PPARGC1A: variants seen among roughly 807,000 people sequenced by gnomAD.
PPARGC1A encodes peroxisome proliferator-activated receptor gamma coactivator 1-alpha.
A neutral mutation model predicts 88.7 loss-of-function variants in PPARGC1A; 25 were observed. The observed-to-expected ratio is 0.28, with a 90% CI of 0.21 to 0.39. The LOEUF is 0.39. Ranked by LOEUF, PPARGC1A falls within the 10% of genes least tolerant of loss-of-function variation. The pLI is 1.00. For missense variants in PPARGC1A, 880 were observed against 968.7 expected (o/e 0.91, Z 1.22); for synonymous variants, 363 against 355.6 (o/e 1.02, Z -0.24).
chr4:24,267,311 T>C, the PPARGC1A span, among the ~76,000 whole-genome samples: 61,040 of 152,028 alleles, frequency 0.4, 12,790 homozygotes, highest in East Asian at 0.59. Context: ...TTCGGTACAA[T>C]GTAGCCCACA....
upstream of PPARGC1A, among the ~76,000 whole-genome samples, chr4:23,899,760 G>T (rs1719067105): frequency 6.6e-6 from 1 of 152,162 alleles, no homozygotes; most frequent in South Asian, 2.1e-4. Context: ...GTTGCCATGG[G>T]TGGTGGTTTG....
the PPARGC1A span, among the ~76,000 whole-genome samples, chr4:23,974,667 C>G: frequency 1.3e-5 from 2 of 151,860 alleles, no homozygotes; most frequent in African/African-American, 2.4e-5. Context: ...GAGTCTTGCT[C>G]TGTCGCCCAG....
At chr4:24,471,696 G>A in the PPARGC1A span, among the ~76,000 whole-genome samples, 1 of 152,178 alleles carries the variant, frequency 6.6e-6, no homozygotes. The surrounding 1 kb of genome is among the most constrained non-coding windows in gnomAD (Gnocchi z 5.4). Context: ...CAGGCCGGCG[G>A]CGTGGAGCGT....
the PPARGC1A span, among the ~76,000 whole-genome samples, chr4:24,115,448 G>A: frequency 6.6e-6 from 1 of 152,182 alleles, no homozygotes; most frequent in South Asian, 2.1e-4. Flanking sequence ...AAAAAAAACC[G>A]AGTACCCTGG....
chr4:23,889,063 C>T, intron 1 of PPARGC1A: 6 of 985,354 alleles, frequency 6.1e-6, no homozygotes, highest in Non-Finnish European at 6.0e-6. Flanking sequence ...CCAGAGATTA[C>T]GAGGAAACTG....
At chr4:24,317,555 T>TAAAAAAAAAAAA in the PPARGC1A span, among the ~76,000 whole-genome samples, 33 of 22,218 alleles carry the variant, frequency 1.5e-3, 9 homozygotes, top group Non-Finnish European at 3.0e-3. Flanking sequence ...TTCAGAGGAC[T>TAAAAAAAAAAAA]AAAAAAAAAA....
At chr4:24,254,615 G>A in the PPARGC1A span, among the ~76,000 whole-genome samples, 1 of 152,140 alleles carries the variant, frequency 6.6e-6, no homozygotes, top group African/African-American at 2.4e-5. Context: ...AACCTGAAAG[G>A]GAGGTGTTTC....
At chr4:24,211,525 C>T in the PPARGC1A span, among the ~76,000 whole-genome samples, 1 of 151,968 alleles carries the variant, frequency 6.6e-6, no homozygotes, top group Admixed American at 6.6e-5. Context: ...GGTGTATCTG[C>T]CCTATGTGCG....
intron 4 of PPARGC1A, 118 bp from the exon 5 acceptor site, chr4:23,828,722 T>A (rs1248485695): frequency 1.2e-6 from 1 of 840,980 alleles, no homozygotes; most frequent in South Asian, 1.7e-5. Flanking sequence ...GTGTACTAGA[T>A]CTATGAGCTG....
chr4:24,171,504 A>G, the PPARGC1A span, among the ~76,000 whole-genome samples: 108 of 152,094 alleles, frequency 7.1e-4, no homozygotes, highest in African/African-American at 2.6e-3. Flanking sequence ...CAAACGTACT[A>G]TATATGGTCC....
the PPARGC1A span, among the ~76,000 whole-genome samples, chr4:24,165,609 A>G: frequency 6.6e-6 from 1 of 152,146 alleles, no homozygotes; most frequent in Non-Finnish European, 1.5e-5. Flanking sequence ...ATGTCTCTGT[A>G]TCACATTTTG....
At chr4:23,860,461 C>T (rs1053916987) in intron 2 of PPARGC1A, among the ~76,000 whole-genome samples, 2 of 152,008 alleles carry the variant, frequency 1.3e-5, no homozygotes, top group African/African-American at 2.4e-5. Context: ...ATTTTAGGTG[C>T]TCTTACTACA....
At chr4:24,187,487 T>C in the PPARGC1A span, among the ~76,000 whole-genome samples, 1 of 152,182 alleles carries the variant, frequency 6.6e-6, no homozygotes, top group Non-Finnish European at 1.5e-5. Context: ...GAGCCCCGGG[T>C]TCTGGTCCTG....
chr4:24,202,575 C>G, the PPARGC1A span, among the ~76,000 whole-genome samples: 1 of 152,110 alleles, frequency 6.6e-6, no homozygotes, highest in Non-Finnish European at 1.5e-5. Context: ...CTAAATGACC[C>G]CCAAAACTTG....
chr4:24,472,731 C>T, the PPARGC1A span, among the ~76,000 whole-genome samples: 1 of 151,722 alleles, frequency 6.6e-6, no homozygotes, highest in Non-Finnish European at 1.5e-5. This position sits in a 1 kb window ranked among gnomAD's most constrained non-coding sequence, Gnocchi z 4.5. Flanking sequence ...TTCGTCCTGA[C>T]TTGGGCAGCC....
the PPARGC1A span, among the ~76,000 whole-genome samples, chr4:24,331,270 C>T: frequency 6.6e-6 from 1 of 152,134 alleles, no homozygotes; most frequent in African/African-American, 2.4e-5. Flanking sequence ...AGTTCCCTTT[C>T]CCTGGAATAC....
At chr4:23,950,453 G>A in the PPARGC1A span, among the ~76,000 whole-genome samples, 1 of 152,054 alleles carries the variant, frequency 6.6e-6, no homozygotes, top group African/African-American at 2.4e-5. Context: ...AGCATCGGTC[G>A]ATGCAAGTAA....
At chr4:24,272,012 A>G in the PPARGC1A span, among the ~76,000 whole-genome samples, 1 of 152,096 alleles carries the variant, frequency 6.6e-6, no homozygotes, top group Admixed American at 6.5e-5. Flanking sequence ...TTTAAGGTGG[A>G]GGTGTGCTGA....
chr4:23,881,264 C>A (rs1161183346), intron 2 of PPARGC1A: 1 of 152,248 alleles, frequency 6.6e-6, no homozygotes, highest in South Asian at 2.1e-4. Flanking sequence ...ACCTCTGAGC[C>A]TTTTGCTTTG....
Sources: gnomAD v4.1 joint callset for allele counts (sites outside exome capture counted in the v4.1 genomes callset) on GRCh38, gnomAD v4.1.1 for gene constraint, Gnocchi (gnomAD v3.1) non-coding constraint, MANE v1.5 for transcripts, NCBI Gene and HGNC (gene_info 2026-07-23, HGNC 2026-07-21) for gene names.